Variants in NBEA observed in about 807,000 individuals in gnomAD.
NBEA encodes the protein lysosomal-trafficking regulator 2.
A neutral mutation model predicts 343.4 loss-of-function variants in NBEA; 44 were observed. The observed-to-expected ratio is 0.13, with a 90% confidence interval of 0.10 to 0.16. The LOEUF (loss-of-function observed/expected upper bound fraction) is 0.16, where lower values mean the gene tolerates loss of function less well. NBEA is among the 10% of genes least tolerant of loss of function. The pLI is 1.00. For missense variants in NBEA, 2,555 were observed against 3,631.3 expected, an observed-to-expected ratio of 0.70 and a Z score of 7.62; for synonymous variants, 1,175 against 1,238.7, an observed-to-expected ratio of 0.95 and a Z score of 1.08.
intron 48 of NBEA, among the ~76,000 whole-genome samples, chr13:35,623,611 T>C (rs17052545): frequency 0.083 from 12,610 of 152,136 alleles, 679 homozygotes; most frequent in African/African-American, 0.15. Context: ...AGATATAGAA[T>C]AGGGTAAATA....
At chr13:35,400,823 G>A (rs1228263391) in intron 38 of NBEA, among the ~76,000 whole-genome samples, 2 of 151,896 alleles carry the variant, frequency 1.3e-5, no homozygotes, top group Non-Finnish European at 2.9e-5. Flanking sequence ...CCTATGTTAG[G>A]AGAAAAGGAG....
intron 1 of NBEA, among the ~76,000 whole-genome samples, chr13:35,034,113 G>T (rs544205692): frequency 6.6e-6 from 1 of 151,206 alleles, no homozygotes; most frequent in Non-Finnish European, 1.5e-5. Context: ...TTAGTTTTTC[G>T]TTTTTCCCCA....
intron 7 of NBEA, among the ~76,000 whole-genome samples, chr13:35,058,342 C>T (rs2063342757): frequency 6.6e-6 from 1 of 152,046 alleles, no homozygotes; most frequent in Non-Finnish European, 1.5e-5. Flanking sequence ...AATAGTCATT[C>T]CCTTGATTCA....
chr13:34,963,944 G>C (rs2059741157), intron 1 of NBEA, among the ~76,000 whole-genome samples: 1 of 151,906 alleles, frequency 6.6e-6, no homozygotes. Flanking sequence ...TTAGGTACCA[G>C]GGATTTTGCT....
At chr13:35,413,662 A>G (rs929470560) in intron 38 of NBEA, among the ~76,000 whole-genome samples, 1 of 152,166 alleles carries the variant, frequency 6.6e-6, no homozygotes, top group Non-Finnish European at 1.5e-5. Flanking sequence ...GAACATCATT[A>G]TATCAATAGT....
In NBEA at chr13:35,110,033, C is replaced by CT. The variant is rs1203770802; in HGVS notation, c.1833+609dup. On this transcript the variant is annotated intron_variant, in intron 12 of 58. Coordinates refer to ENST00000379939, the MANE Select transcript of NBEA (RefSeq NM_001385012.1). ...AGCCCAAATCTGAATTTTGACAACT[C>CT]TTTTTTTTTTTTTTTTTTAAATGTT... 8.1e-3 allele frequency among the ~76,000 whole-genome samples: 482 copies of CT among 59,812 alleles called. 5 individuals are homozygous for CT. Among genetic ancestry groups the CT allele is most frequent in the African/African-American group, 0.02 (340 of 16,686 alleles). 39.2% of individuals were successfully genotyped at this position (59,812 alleles called of 152,430 possible).
At chr13:35,133,421 T>C (rs111840383) in intron 17 of NBEA, among the ~76,000 whole-genome samples, 3 of 152,238 alleles carry the variant, frequency 2.0e-5, no homozygotes, top group African/African-American at 4.8e-5. Context: ...TACAATCACA[T>C]TGAAGAACAA....
intron 6 of NBEA, among the ~76,000 whole-genome samples, chr13:35,052,767 T>C (rs2063110617): frequency 6.6e-6 from 1 of 152,040 alleles, no homozygotes; most frequent in Non-Finnish European, 1.5e-5. Flanking sequence ...ATAAGTACTA[T>C]GGTCTTTACT....
intron 57 of NBEA, 143 bp from the exon 58 acceptor site, chr13:35,668,225 A>G (rs2085447804): frequency 1.6e-6 from 1 of 643,580 alleles, no homozygotes; most frequent in Non-Finnish European, 2.5e-6. Flanking sequence ...AATGACTGAC[A>G]GTAGGCAATA....
intron 41 of NBEA, among the ~76,000 whole-genome samples, chr13:35,546,221 T>C (rs1258824162): frequency 6.6e-6 from 1 of 152,168 alleles, no homozygotes; most frequent in African/African-American, 2.4e-5. Flanking sequence ...TAAACAGTGA[T>C]AAGATAGGCT....
At chr13:35,375,881 A>G (rs547066276) in intron 38 of NBEA, among the ~76,000 whole-genome samples, 103 of 152,278 alleles carry the variant, frequency 6.8e-4, no homozygotes, top group African/African-American at 2.4e-3. Context: ...TATGACTGTT[A>G]TTTACAGTTA....
chr13:35,338,687 C>T (rs1001017535), intron 36 of NBEA, among the ~76,000 whole-genome samples: 30 of 151,972 alleles, frequency 2.0e-4, no homozygotes, highest in African/African-American at 7.2e-4. Flanking sequence ...ATCTACCACG[C>T]TATTAAGTAA....
At chr13:35,248,577 G>A (rs1247749450) in intron 34 of NBEA, among the ~76,000 whole-genome samples, 1 of 150,532 alleles carries the variant, frequency 6.6e-6, no homozygotes, top group Non-Finnish European at 1.5e-5. Flanking sequence ...AGAATCTCTA[G>A]CCAAAAACAA....
chr13:35,274,059 CA>C (rs967556309), intron 34 of NBEA, among the ~76,000 whole-genome samples: 1 of 151,874 alleles, frequency 6.6e-6, no homozygotes, highest in Non-Finnish European at 1.5e-5. Context: ...AGAGACACAA[CA>C]AAAAAAGAAT....
rs567967629 is a variant in NBEA at position 35,251,609 on chromosome 13, G to A, written c.5776+18990G>A. 66 of 1,206,922 alleles carry A rather than the reference G, an allele frequency of 5.5e-5. 1 individual carries two copies. The South Asian group carries it at 8.1e-4, about 15-fold the overall frequency. The allele number at this position is 1,206,922 out of a possible 1,614,324, so 74.8% of individuals were successfully genotyped here. A position where few individuals can be genotyped will look rare whatever the true frequency, so the allele number is the denominator to read the frequency against. On this transcript the variant is annotated intron_variant, in intron 34 of 58. Coordinates refer to ENST00000379939, the MANE Select transcript of NBEA (RefSeq NM_001385012.1). ...GTGGAAGCCAAACAGGTAGCTCAGC[G>A]GGAAGCAGAGATGGCCAGATTTGAG...
chr13:35,245,391 TC>T (rs1488201769), intron 34 of NBEA, among the ~76,000 whole-genome samples: 1 of 152,200 alleles, frequency 6.6e-6, no homozygotes, highest in Non-Finnish European at 1.5e-5. Context: ...TATGTGAGAT[TC>T]ATGCTTTAAA....
intron 38 of NBEA, among the ~76,000 whole-genome samples, chr13:35,408,229 G>A (rs2043382778): frequency 6.6e-6 from 1 of 152,112 alleles, no homozygotes. Context: ...TTTGATCTTT[G>A]ATGAACCTGA....
In NBEA at chr13:35,011,904, T is replaced by A. The variant is rs144261503; in HGVS notation, c.295-29029T>A. Among the ~76,000 whole-genome samples, 660 of 152,350 alleles carry A rather than the reference T, an allele frequency of 4.3e-3. 6 individuals carry two copies. Among genetic ancestry groups the A allele is most frequent in the African/African-American group, 0.015 (628 of 41,576 alleles). ...GATTTTTTACTATCTATAATTTTTT[T>A]AATTTTTAATACAGTATTGCTCTGA... On this transcript the variant is annotated intron_variant, in intron 1 of 58. Coordinates refer to ENST00000379939, the MANE Select transcript of NBEA (RefSeq NM_001385012.1).
chr13:34,948,930 T>C lies in NBEA; in HGVS notation c.294+5816T>C, dbSNP rs552780607. ...AAGGCAGAGAGGCTCTTTCTGCCTGTAGCTGCCATCCAAGATAGCAGAGAA... is the reference window on the plus strand; with the variant it reads ...AAGGCAGAGAGGCTCTTTCTGCCTGCAGCTGCCATCCAAGATAGCAGAGAA... On this transcript the variant is annotated intron_variant, in intron 1 of 58. Transcript: ENST00000379939. Among the ~76,000 whole-genome samples, 150 of 152,286 alleles carry C rather than the reference T, an allele frequency of 9.8e-4. 1 individual carries two copies. Among genetic ancestry groups the C allele is most frequent in the Middle Eastern group, 6.8e-3 (2 of 294 alleles).
Sources: gnomAD v4.1 joint callset for allele counts (sites outside exome capture counted in the v4.1 genomes callset) on GRCh38, gnomAD v4.1.1 for gene constraint, MANE v1.5 for transcripts, NCBI Gene and HGNC (gene_info 2026-07-23, HGNC 2026-07-21) for gene names.